Variants in NFRKB observed in about 807,000 individuals in gnomAD.
NFRKB encodes nuclear factor related to kappa-B-binding protein.
NFRKB carries 62 observed loss-of-function variants against 135.7 expected under a neutral mutation model. The observed-to-expected ratio is 0.46, with a 90% confidence interval of 0.37 to 0.56. The LOEUF (loss-of-function observed/expected upper bound fraction) is 0.56. Among genes scored for constraint, NFRKB ranks in the 20% least tolerant of loss-of-function variants. The pLI is 0.00. For synonymous variants in NFRKB, 678 were observed against 635.6 expected, an observed-to-expected ratio of 1.07 and a Z score of -1.00; for missense variants, 1,545 against 1,662.0, an observed-to-expected ratio of 0.93 and a Z score of 1.22.
Position 129,895,567 on chromosome 11 carries a change from C to T in NFRKB, c.-173G>A. On this transcript the variant is annotated 5_prime_UTR_variant, in exon 1 of 27. Transcript: ENST00000682444. ...GCGGGCTCCCAGACGCACTCGCTCC[C>T]GCAAGGAGTCTGGGTGCGCGCACGC... 1 of 152,342 alleles carries T rather than the reference C, an allele frequency of 6.6e-6. No homozygotes were observed. The highest frequency in any genetic ancestry group is 2.1e-4 in the South Asian group (1 of 4,862). 9.4% of individuals were successfully genotyped at this position (152,342 alleles called of 1,614,324 possible). A position where few individuals can be genotyped will look rare whatever the true frequency, so the allele number is the denominator to read the frequency against.
chr11:129,893,035 A>T (rs1437167714), intron 2 of NFRKB, 165 bp from the exon 3 acceptor site: 31 of 1,451,154 alleles, frequency 2.1e-5, no homozygotes, highest in Non-Finnish European at 2.5e-5. Context: ...TCACCACAGC[A>T]TTCCCACTGG....
chr11:129,875,401 G>A lies in NFRKB; in HGVS notation c.1810C>T (p.Leu604Phe). ...EGTRAEICELLKDSQFLAPDV... is the reference protein window; with the variant it reads ...EGTRAEICELFKDSQFLAPDV... ...GGTGCAAGAAACTGGGAGTCCTTAA[G>A]CAGTTCACAGATCTCTGCCCGTGTG... is the stretch of plus-strand genomic sequence containing the variant. The change falls in exon 18 of 27, where the codon CTT becomes TTT. Residue 604 changes from leucine (L) to phenylalanine (F), a missense_variant. This residue lies in a region of NFRKB where 114 missense variants were observed against 211.0 expected (regional missense o/e 0.54). Coordinates refer to ENST00000682444, the MANE Select transcript of NFRKB (RefSeq NM_001143835.2). 1.9e-6 allele frequency: 3 copies of A among 1,613,446 alleles called. No individual in the cohort carries two copies. Among genetic ancestry groups the A allele is most frequent in the Non-Finnish European group, 2.5e-6 (3 of 1,179,866 alleles).
intron 23 of NFRKB, 99 bp from the exon 24 acceptor site, chr11:129,870,360 ATTTT>A (rs57667407): frequency 7.8e-7 from 1 of 1,274,562 alleles, no homozygotes; most frequent in African/African-American, 1.5e-5. Context: ...GATGTTTTGT[ATTTT>A]TTTTTTAACT....
chr11:129,868,094 T>C (rs2288403), intron 24 of NFRKB, among the ~76,000 whole-genome samples: 23,929 of 151,906 alleles, frequency 0.16, 2,012 homozygotes, highest in South Asian at 0.27. Context: ...TTAAAGGAAA[T>C]GCTGATAGAT....
chr11:129,880,093 G>A (rs1028544085), intron 13 of NFRKB, among the ~76,000 whole-genome samples: 3 of 152,158 alleles, frequency 2.0e-5, no homozygotes, highest in South Asian at 2.1e-4. Context: ...AGTAGGAGGA[G>A]GCAGGAGAAT....
At position 129,864,661 on chromosome 11, in the gene NFRKB, C is replaced by T; in HGVS notation, c.*64G>A. ...AGCTTAAAACAATGATGCAACCTCC[C>T]TGGTCCCTTCTCAGCCAGGACAGAC... On this transcript the variant is annotated 3_prime_UTR_variant, in exon 27 of 27. Transcript: ENST00000682444. 6.2e-7 allele frequency: 1 copy of T among 1,608,712 alleles called. No homozygotes were observed. Among genetic ancestry groups the T allele is most frequent in the Middle Eastern group, 1.9e-4 (1 of 5,190 alleles).
intron 3 of NFRKB, among the ~76,000 whole-genome samples, chr11:129,889,957 T>TGC (rs1368173737): frequency 6.1e-5 from 9 of 147,124 alleles, no homozygotes; most frequent in African/African-American, 2.4e-4. Context: ...CTTACGTGTG[T>TGC]GTGTGTGTGT....
chr11:129,881,027 C>A (rs1171111752), intron 13 of NFRKB, among the ~76,000 whole-genome samples: 3 of 152,172 alleles, frequency 2.0e-5, no homozygotes, highest in Non-Finnish European at 4.4e-5. Context: ...AAATAACAAC[C>A]CTGTTCTTTA....
In NFRKB at chr11:129,878,375, T is replaced by C. The variant is rs1339531176; in HGVS notation, c.1465-20A>G. 2.5e-6 allele frequency: 4 copies of C among 1,614,098 alleles called. No individual in the cohort carries two copies. The Admixed American group carries it at 6.7e-5, about 27-fold the overall frequency. ...TTCTTGCTGGAGAAAAAGAAAACGT[T>C]GACAGGTAAATGGACTAAAGAATTT... On this transcript the variant is annotated intron_variant, in intron 14 of 26. Transcript: ENST00000682444.
intron 24 of NFRKB, among the ~76,000 whole-genome samples, chr11:129,868,914 G>A (rs994979954): frequency 6.6e-6 from 1 of 152,170 alleles, no homozygotes; most frequent in African/African-American, 2.4e-5. Flanking sequence ...TAGCTACTCA[G>A]GAGGCTGGGG....
rs1206131596 is a variant in NFRKB, at chr11:129,863,732, C to G, written c.*993G>C. 6.6e-6 allele frequency: 1 copy of G among 152,324 alleles called. No individual in the cohort carries two copies. The highest frequency in any genetic ancestry group is 2.1e-4 in the South Asian group (1 of 4,838). 9.4% of individuals were successfully genotyped at this position (152,324 alleles called of 1,614,324 possible). A position where few individuals can be genotyped will look rare whatever the true frequency, so the allele number is the denominator to read the frequency against. Reference sequence around the variant, plus strand: ...TATGTCAACTACTCAATTCTGCCTTCGAATCTGAAAGCAGCCACAGATAAT... The same window carrying G: ...TATGTCAACTACTCAATTCTGCCTTGGAATCTGAAAGCAGCCACAGATAAT... On this transcript the variant is annotated 3_prime_UTR_variant, in exon 27 of 27. Transcript: ENST00000682444.
Position 129,885,434 on chromosome 11 carries a change from C to A in NFRKB, c.640+1G>T. 1 of 1,602,558 alleles carries A rather than the reference C, an allele frequency of 6.2e-7. No individual in the cohort carries two copies. The highest frequency in any genetic ancestry group is 8.5e-7 in the Non-Finnish European group (1 of 1,170,914). On this transcript the variant is annotated splice_donor_variant, in intron 6 of 26. Coordinates refer to ENST00000682444, the MANE Select transcript of NFRKB (RefSeq NM_001143835.2). LOFTEE classifies it high-confidence loss of function. ...TACCCCAAGTGCCCGAGGACACTCA[C>A]CCTCTTCATCAGATGACAGGGCTGT...
At chr11:129,887,855 G>A (rs575779204) in intron 4 of NFRKB, among the ~76,000 whole-genome samples, 10 of 152,312 alleles carry the variant, frequency 6.6e-5, no homozygotes, top group African/African-American at 2.4e-4. Context: ...GGTTAACACA[G>A]TGAAACCCTG....
At chr11:129,880,639 C>A (rs1948984133) in intron 13 of NFRKB, among the ~76,000 whole-genome samples, 1 of 152,152 alleles carries the variant, frequency 6.6e-6, no homozygotes, top group African/African-American at 2.4e-5. Context: ...AACCCCCATC[C>A]TCTCTGGTAC....
intron 18 of NFRKB, 47 bp downstream of exon 18, chr11:129,875,310 T>C (rs1177703848): frequency 6.9e-7 from 1 of 1,444,870 alleles, no homozygotes; most frequent in Non-Finnish European, 9.5e-7. Flanking sequence ...TAAGTTTTCT[T>C]AAATCCATTC....
chr11:129,872,958 G>A lies in NFRKB; in HGVS notation c.2689C>T (p.Pro897Ser). The change falls in exon 23 of 27, where the codon CCT becomes TCT. Residue 897 changes from proline to serine, a missense_variant. Physicochemically the swap from Pro to Ser is moderately conservative, Grantham distance 74 (BLOSUM62 -1). Around this residue, in one of 3 missense-constraint regions of NFRKB, gnomAD observed 753 missense variants for 804.3 expected, o/e 0.94. Transcript: ENST00000682444. The stretch of plus-strand genomic sequence containing the variant: ...GAGGCACTGGGAGCAGAGGTCCCAG[G>A]AGAACTCGTGGCTGGCTTACTCACA... Reference protein sequence around the residue: ...SPVSKPATSSPGTSAPSASTA... With the variant: ...SPVSKPATSSSGTSAPSASTA... The A allele has an allele frequency of 6.2e-7, 1 of 1,614,144 alleles. No individual in the cohort carries two copies. Among genetic ancestry groups the A allele is most frequent in the Non-Finnish European group, 8.5e-7 (1 of 1,179,984 alleles).
At chr11:129,891,200 C>T (rs1949544911) in intron 3 of NFRKB, among the ~76,000 whole-genome samples, 1 of 152,102 alleles carries the variant, frequency 6.6e-6, no homozygotes, top group Non-Finnish European at 1.5e-5. Flanking sequence ...CGTGCCATGA[C>T]TGAAAAAAGC....
At chr11:129,867,441 T>C (rs10894159) in intron 24 of NFRKB, among the ~76,000 whole-genome samples, 51,587 of 149,718 alleles carry the variant, frequency 0.34, 9,909 homozygotes, top group East Asian at 0.46. Flanking sequence ...CTCAGCCCCC[T>C]GAGTAGCTGG....
chr11:129,888,810 A>G lies in NFRKB; in HGVS notation c.136-15T>C, dbSNP rs773639016. The G allele has an allele frequency of 5.0e-6, 8 of 1,594,176 alleles. No individual in the cohort carries two copies. The South Asian group carries it at 6.7e-5, about 13-fold the overall frequency. On this transcript the variant is annotated splice_polypyrimidine_tract_variant and intron_variant, in intron 3 of 26. Coordinates refer to ENST00000682444, the MANE Select transcript of NFRKB (RefSeq NM_001143835.2). Reference sequence around the variant, plus strand: ...AAGATCTCAGGCTAGGAGAAATAGGAAAAGTAAACAAAAGTAAAATAAATT... The same window carrying G: ...AAGATCTCAGGCTAGGAGAAATAGGGAAAGTAAACAAAAGTAAAATAAATT...
Sources: gnomAD v4.1 joint callset for allele counts (sites outside exome capture counted in the v4.1 genomes callset) on GRCh38, gnomAD v4.1.1 for gene constraint, gnomAD v4.1.1 regional missense constraint, MANE v1.5 for transcripts, NCBI Gene and HGNC (gene_info 2026-07-23, HGNC 2026-07-21) for gene names.